The following GRIN3A variants were observed in gnomAD, a reference collection of about 807,000 sequenced individuals.
GRIN3A encodes glutamate ionotropic receptor NMDA type subunit 3A.
GRIN3A carries 47 observed loss-of-function variants against 92.4 expected under a neutral mutation model. That is an observed-to-expected ratio of 0.51 (90% CI 0.40 to 0.65). The LOEUF is 0.65. Ranked by LOEUF, GRIN3A falls within the 30% of genes least tolerant of loss-of-function variation. GRIN3A has a pLI of 0.00. For missense variants in GRIN3A, 1,324 were observed against 1,393.1 expected, an observed-to-expected ratio of 0.95 and a Z score of 0.79; for synonymous variants, 527 against 540.6, an observed-to-expected ratio of 0.97 and a Z score of 0.35.
chr9:101,738,052 TCTC>T lies in GRIN3A; in HGVS notation c.-76_-74del. 1 of 1,299,086 alleles carries T rather than the reference TCTC, an allele frequency of 7.7e-7. No homozygotes were observed. The highest frequency in any genetic ancestry group is 2.0e-5 in the Admixed American group (1 of 50,706). The allele number at this position is 1,299,086 out of a possible 1,614,324, so 80.5% of individuals were successfully genotyped here. On this transcript the variant is annotated 5_prime_UTR_variant, in exon 1 of 9. Coordinates refer to ENST00000361820, the MANE Select transcript of GRIN3A (RefSeq NM_133445.3). Reference sequence around the variant, plus strand: ...GCCCCTCTGCAGCCGCTGCCTGAGGTCTCCGCCTCCAGGTCCCGCGCGCAGCTT... The same window carrying T: ...GCCCCTCTGCAGCCGCTGCCTGAGGTCGCCTCCAGGTCCCGCGCGCAGCTT...
intron 6 of GRIN3A, among the ~76,000 whole-genome samples, chr9:101,587,398 G>A (rs766753756): frequency 4.6e-5 from 7 of 151,974 alleles, no homozygotes; most frequent in Admixed American, 2.6e-4. Flanking sequence ...CTCTAGCTCC[G>A]AGGTGTGAAT....
chr9:101,648,426 G>A (rs775513787), intron 3 of GRIN3A, among the ~76,000 whole-genome samples: 4 of 152,040 alleles, frequency 2.6e-5, no homozygotes, highest in Admixed American at 6.6e-5. Flanking sequence ...AGGAAAATGT[G>A]TATTCTTCAG....
chr9:101,703,195 T>C (rs567802917), intron 1 of GRIN3A, among the ~76,000 whole-genome samples: 41 of 152,336 alleles, frequency 2.7e-4, no homozygotes, highest in African/African-American at 8.9e-4. Context: ...TAAAGCAAAA[T>C]ACAAGCTCTT....
chr9:101,613,600 T>G, intron 5 of GRIN3A, 73 bp from the exon 6 acceptor site: 2 of 1,453,530 alleles, frequency 1.4e-6, no homozygotes, highest in Admixed American at 3.6e-5. Context: ...TACATATTTG[T>G]GTGATACTGC....
intron 6 of GRIN3A, among the ~76,000 whole-genome samples, chr9:101,611,791 A>C (rs749230665): frequency 9.9e-5 from 15 of 152,238 alleles, no homozygotes; most frequent in Non-Finnish European, 1.6e-4. Context: ...GTGCTATGAC[A>C]TAATGTGAGA....
At chr9:101,673,073 T>C (rs1023771265) in intron 2 of GRIN3A, among the ~76,000 whole-genome samples, 1 of 152,130 alleles carries the variant, frequency 6.6e-6, no homozygotes, top group African/African-American at 2.4e-5. Context: ...TCTGGTCAAT[T>C]TACTGATCAG....
intron 2 of GRIN3A, 43 bp downstream of exon 2, chr9:101,686,553 A>T: frequency 6.2e-7 from 1 of 1,610,744 alleles, no homozygotes; most frequent in African/African-American, 1.3e-5. Context: ...ACTCTCTGTC[A>T]TGGCCCTATG....
chr9:101,651,636 TTGTGTGTGTGTGTGTG>T (rs57126529), intron 3 of GRIN3A, among the ~76,000 whole-genome samples: 3 of 145,946 alleles, frequency 2.1e-5, no homozygotes, highest in Non-Finnish European at 4.5e-5. Context: ...AATAAATCCA[TTGTGTGTGTGTGTGTG>T]TGTGTGTGTG....
intron 3 of GRIN3A, among the ~76,000 whole-genome samples, chr9:101,629,538 A>C (rs1304102036): frequency 6.6e-6 from 1 of 152,186 alleles, no homozygotes; most frequent in African/African-American, 2.4e-5. Flanking sequence ...CCTGTTGTTC[A>C]TTGTATTTCT....
chr9:101,704,019 G>A (rs988640811), intron 1 of GRIN3A, among the ~76,000 whole-genome samples: 1 of 152,114 alleles, frequency 6.6e-6, no homozygotes, highest in African/African-American at 2.4e-5. Flanking sequence ...AAACACAAGC[G>A]AAAGGGCTTC....
chr9:101,601,046 G>A (rs1317967616), intron 6 of GRIN3A: 1 of 152,216 alleles, frequency 6.6e-6, no homozygotes, highest in East Asian at 1.9e-4. Context: ...AGAACTCAGA[G>A]AATTGAGAAA....
Position 101,610,956 on chromosome 9 carries a change from C to T in GRIN3A, c.2766+2420G>A, listed in dbSNP as rs144259364. Reference sequence around the variant, plus strand: ...CACTAAAAACACAAAAAATTAGCCACGTGTGGTAGTGGGCACCTGTAGTCC... The same window carrying T: ...CACTAAAAACACAAAAAATTAGCCATGTGTGGTAGTGGGCACCTGTAGTCC... On this transcript the variant is annotated intron_variant, in intron 6 of 8. Coordinates refer to ENST00000361820, the MANE Select transcript of GRIN3A (RefSeq NM_133445.3). Among the ~76,000 whole-genome samples, 353 of 151,980 alleles carry T rather than the reference C, an allele frequency of 2.3e-3. 1 individual carries two copies. Among genetic ancestry groups the T allele is most frequent in the African/African-American group, 8.1e-3 (334 of 41,470 alleles).
chr9:101,687,675 AG>A (rs1472462850), intron 1 of GRIN3A, among the ~76,000 whole-genome samples: 2 of 152,248 alleles, frequency 1.3e-5, no homozygotes, highest in Non-Finnish European at 2.9e-5. Flanking sequence ...ATGATGTGAA[AG>A]ATGGATGCAT....
intron 5 of GRIN3A, among the ~76,000 whole-genome samples, chr9:101,616,031 T>A (rs1214123473): frequency 6.6e-6 from 1 of 152,180 alleles, no homozygotes; most frequent in African/African-American, 2.4e-5. Context: ...GTTTCCCCTG[T>A]AGAGTATACA....
At chr9:101,711,077 G>A (rs760185754) in intron 1 of GRIN3A, among the ~76,000 whole-genome samples, 13 of 152,170 alleles carry the variant, frequency 8.5e-5, no homozygotes, top group African/African-American at 1.2e-4. Flanking sequence ...ACTCACCCTC[G>A]TCCTTCTTGT....
At chr9:101,599,490 T>G (rs1308017429) in intron 6 of GRIN3A, among the ~76,000 whole-genome samples, 1 of 152,200 alleles carries the variant, frequency 6.6e-6, no homozygotes, top group East Asian at 1.9e-4. Context: ...CTGTAAATGA[T>G]TCTTAGTAAT....
At chr9:101,582,210 A>T (rs531820290) in intron 6 of GRIN3A, among the ~76,000 whole-genome samples, 1 of 152,184 alleles carries the variant, frequency 6.6e-6, no homozygotes, top group African/African-American at 2.4e-5. Context: ...CATAGGGTGC[A>T]TAGGGAAGTC....
At position 101,737,999 on chromosome 9, in the gene GRIN3A, A is replaced by G; in HGVS notation, c.-20T>C. ...CCTCATTACTGAGACCCGCAGGGAG[A>G]AAGCGCGCCCCCTCCTGCGCCCGGC... On this transcript the variant is annotated 5_prime_UTR_variant, in exon 1 of 9. Transcript: ENST00000361820. 1 of 1,528,070 alleles carries G rather than the reference A, an allele frequency of 6.5e-7. No homozygotes were observed. Among genetic ancestry groups the G allele is most frequent in the Non-Finnish European group, 8.8e-7 (1 of 1,141,814 alleles). The allele number at this position is 1,528,070 out of a possible 1,614,324, so 94.7% of individuals were successfully genotyped here. A position where few individuals can be genotyped will look rare whatever the true frequency, so the allele number is the denominator to read the frequency against.
intron 1 of GRIN3A, among the ~76,000 whole-genome samples, chr9:101,724,433 C>T (rs1157831314): frequency 1.3e-5 from 2 of 152,166 alleles, no homozygotes; most frequent in East Asian, 3.9e-4. Flanking sequence ...AAGCCCACGC[C>T]CACCCAGAAC....
Sources: gnomAD v4.1 joint callset for allele counts (sites outside exome capture counted in the v4.1 genomes callset) on GRCh38, gnomAD v4.1.1 for gene constraint, MANE v1.5 for transcripts, NCBI Gene and HGNC (gene_info 2026-07-23, HGNC 2026-07-21) for gene names.